PRDM1: variants seen among roughly 807,000 people sequenced by gnomAD.
The protein encoded by PRDM1 is PR domain zinc finger protein 1.
In PRDM1, 13 loss-of-function variants were observed where a neutral mutation model predicts 62.8. The observed-to-expected ratio is 0.21, with a 90% CI of 0.13 to 0.33. PRDM1 has a LOEUF of 0.33. Among genes scored for constraint, PRDM1 ranks in the 10% least tolerant of loss-of-function variants. PRDM1 has a pLI of 1.00. For synonymous variants in PRDM1, 396 were observed against 417.6 expected (o/e 0.95, Z 0.63); for missense variants, 895 against 1,058.8 (o/e 0.85, Z 2.15).
Position 105,995,223 on chromosome 6 carries a change from C to T in PRDM1, c.-67+1584C>T, listed in dbSNP as rs533755860. On this transcript the variant is annotated intron_variant, in intron 1 of 6. Coordinates refer to the PRDM1 transcript ENST00000652320. ...GTGCCAGCTCAGGGCACCTACCCGG[C>T]GTTGTCACGTTCCCTTTGGGATCAA... is the stretch of plus-strand genomic sequence containing the variant. Among the ~76,000 whole-genome samples, 9 of 151,888 alleles carry T rather than the reference C, an allele frequency of 5.9e-5. No homozygotes were observed. The South Asian group carries it at 1.9e-3, about 32-fold the overall frequency.
At chr6:106,038,014 C>CTTTTTATTTTTTT (rs1772944978) in intron 1 of PRDM1, among the ~76,000 whole-genome samples, 1 of 47,800 alleles carries the variant, frequency 2.1e-5, no homozygotes, top group Non-Finnish European at 3.5e-5. Context: ...CTATTTTTGT[C>CTTTTTATTTTTTT]TTTTTTTTTT....
At chr6:106,033,360 C>T (rs568146251) in intron 1 of PRDM1, among the ~76,000 whole-genome samples, 74 of 151,736 alleles carry the variant, frequency 4.9e-4, no homozygotes, top group Non-Finnish European at 9.1e-4. Flanking sequence ...TCTATATTGC[C>T]CAGGCTTGTC....
At chr6:106,059,033 C>A (rs546735986) in intron 1 of PRDM1, among the ~76,000 whole-genome samples, 1 of 152,242 alleles carries the variant, frequency 6.6e-6, no homozygotes, top group African/African-American at 2.4e-5. Flanking sequence ...TCTTGAGTAC[C>A]TACATGTATC....
At chr6:106,091,502 G>T (rs971439840) in intron 2 of PRDM1, among the ~76,000 whole-genome samples, 1 of 152,172 alleles carries the variant, frequency 6.6e-6, no homozygotes, top group Non-Finnish European at 1.5e-5. Flanking sequence ...GGTGATTGCC[G>T]GGCGCGGTGG....
At chr6:106,028,121 A>AT (rs148375560) in intron 1 of PRDM1, among the ~76,000 whole-genome samples, 2,749 of 152,290 alleles carry the variant, frequency 0.018, 39 homozygotes, top group Non-Finnish European at 0.027. Context: ...GATTAAGCAT[A>AT]TTCTTTGCTT....
rs1774480592 is a variant in PRDM1, at chr6:106,106,160, G to A, written c.1774-211G>A. ...TGAATAATAAAAAAATTAGGGGTTT[G>A]GACTAGAAGATTAGGTGAAACTCCC... On this transcript the variant is annotated intron_variant, in intron 5 of 6. Coordinates refer to ENST00000369096, the MANE Select transcript of PRDM1 (RefSeq NM_001198.4). The surrounding 1 kb of genome is among the most constrained non-coding windows in gnomAD (Gnocchi z 4.4). Among the ~76,000 whole-genome samples the A allele has an allele frequency of 6.6e-6, 1 of 152,172 alleles. No individual in the cohort carries two copies. The highest frequency in any genetic ancestry group is 2.1e-4 in the South Asian group (1 of 4,828).
At chr6:105,996,711 A>C (rs571735843) in intron 1 of PRDM1, among the ~76,000 whole-genome samples, 3 of 152,290 alleles carry the variant, frequency 2.0e-5, no homozygotes, top group African/African-American at 7.2e-5. Context: ...AAGTTTTTTT[A>C]AAGTGCCAAG....
Position 106,095,597 on chromosome 6 carries a change from G to A in PRDM1, c.292-18G>A. On this transcript the variant is annotated intron_variant, in intron 2 of 6. Coordinates refer to ENST00000369096, the MANE Select transcript of PRDM1 (RefSeq NM_001198.4). ...TTTATAGTCAAAGTAATTGTTTCCT[G>A]TGTTTTTTCCTGTTTAGGTTATTGG... The A allele has an allele frequency of 6.2e-7, 1 of 1,609,028 alleles. No homozygotes were observed. Among genetic ancestry groups the A allele is most frequent in the Non-Finnish European group, 8.5e-7 (1 of 1,178,096 alleles).
At chr6:106,028,986 T>C (rs1310034626) in intron 1 of PRDM1, among the ~76,000 whole-genome samples, 2 of 148,822 alleles carry the variant, frequency 1.3e-5, no homozygotes, top group African/African-American at 4.9e-5. Context: ...AGTGGCACTA[T>C]CTCGGCTCAT....
At chr6:106,034,214 C>G (rs1048026887) in intron 1 of PRDM1, among the ~76,000 whole-genome samples, 2 of 151,730 alleles carry the variant, frequency 1.3e-5, no homozygotes, top group Non-Finnish European at 2.9e-5. Context: ...TGTTTTTGGT[C>G]TCATTTATTT....
At chr6:106,042,545 A>G (rs1444527362) in intron 1 of PRDM1, among the ~76,000 whole-genome samples, 1 of 151,498 alleles carries the variant, frequency 6.6e-6, no homozygotes, top group Non-Finnish European at 1.5e-5. Flanking sequence ...AAAAACAAAC[A>G]AACAACAACA....
At chr6:106,069,957 T>G (rs1243117736) in intron 1 of PRDM1, among the ~76,000 whole-genome samples, 1 of 152,212 alleles carries the variant, frequency 6.6e-6, no homozygotes, top group African/African-American at 2.4e-5. Context: ...GGAAATAGAT[T>G]TAATGCAATT....
At chr6:106,079,211 C>G (rs1041857938) in intron 1 of PRDM1, among the ~76,000 whole-genome samples, 4 of 151,970 alleles carry the variant, frequency 2.6e-5, no homozygotes, top group African/African-American at 9.7e-5. Flanking sequence ...GTGATCCACC[C>G]ACCTTGGCCT....
intron 1 of PRDM1, among the ~76,000 whole-genome samples, chr6:106,070,032 C>T: frequency 6.6e-6 from 1 of 152,178 alleles, no homozygotes; most frequent in East Asian, 1.9e-4. Context: ...TTCAGATTTC[C>T]TCAGTGGCTG....
intron 1 of PRDM1, 145 bp downstream of exon 1, chr6:106,086,740 A>G (rs1773819732): frequency 7.2e-6 from 5 of 695,106 alleles, no homozygotes; most frequent in African/African-American, 1.8e-5. Context: ...TAGTGCTGTC[A>G]AACATTTGTG....
chr6:106,034,291 C>G (rs942493789), intron 1 of PRDM1, among the ~76,000 whole-genome samples: 1 of 151,706 alleles, frequency 6.6e-6, no homozygotes, highest in Non-Finnish European at 1.5e-5. Context: ...CCTTCATCTT[C>G]TGGCTTTGGG....
intron 1 of PRDM1, among the ~76,000 whole-genome samples, chr6:106,024,550 GT>G (rs1438190571): frequency 6.6e-6 from 1 of 152,194 alleles, no homozygotes; most frequent in Non-Finnish European, 1.5e-5. Context: ...GACATGTGAT[GT>G]TTGCAATGGT....
intron 1 of PRDM1, among the ~76,000 whole-genome samples, chr6:106,026,556 G>A (rs1030827045): frequency 2.0e-5 from 3 of 152,148 alleles, no homozygotes; most frequent in Non-Finnish European, 4.4e-5. Context: ...GTCTGGTGTA[G>A]TGGGAGGGAG....
At position 106,105,661 on chromosome 6, in the gene PRDM1, G is replaced by T; in HGVS notation, c.1501G>T (p.Ala501Ser). Reference sequence around the variant, plus strand: ...CCACAGTGCCTTCTCCTTTACCGGGGCCGCCGCCAGCATGAAGGACAAGGC... The same window carrying T: ...CCACAGTGCCTTCTCCTTTACCGGGTCCGCCGCCAGCATGAAGGACAAGGC... ...APHSAFSFTG[A>S]AASMKDKACS... Residue 501 changes from alanine to serine, a missense_variant, in exon 5 of 7, where the codon GCC becomes TCC. Physicochemically the swap from Ala to Ser is moderately conservative, Grantham distance 99 (BLOSUM62 1). Around this residue, in one of 4 missense-constraint regions of PRDM1, gnomAD observed 444 missense variants for 422.7 expected, o/e 1.05. Transcript: ENST00000369096. 1 of 1,612,160 alleles carries T rather than the reference G, an allele frequency of 6.2e-7. No homozygotes were observed. Among genetic ancestry groups the T allele is most frequent in the Non-Finnish European group, 8.5e-7 (1 of 1,178,654 alleles).
Sources: allele counts gnomAD v4.1 joint callset (sites outside exome capture counted in the v4.1 genomes callset), GRCh38; gene constraint gnomAD v4.1.1; regional missense constraint gnomAD v4.1.1; non-coding constraint Gnocchi (gnomAD v3.1); transcripts MANE v1.5; gene names NCBI Gene and HGNC (gene_info 2026-07-23, HGNC 2026-07-21).